Variants in GRIA4 observed in about 807,000 individuals in gnomAD.
The protein encoded by GRIA4 is glutamate ionotropic receptor AMPA type subunit 4, also known as glutamate receptor 4.
A neutral mutation model predicts 104.0 loss-of-function variants in GRIA4; 34 were observed. The ratio of observed to expected loss-of-function variants is 0.33; its 90% CI spans 0.25 to 0.44. The LOEUF is 0.44. GRIA4 is among the 20% of genes least tolerant of loss of function. The pLI is 1.00. For missense variants in GRIA4, 750 were observed against 1,096.5 expected (o/e 0.68, Z 4.46); for synonymous variants, 386 against 381.9 (o/e 1.01, Z -0.13).
In GRIA4 at chr11:105,972,043, T is replaced by C; in HGVS notation, c.2409+15T>C. On this transcript the variant is annotated intron_variant, in intron 15 of 16. Coordinates refer to ENST00000282499, the MANE Select transcript of GRIA4 (RefSeq NM_000829.4). Reference sequence around the variant, plus strand: ...CTGGAAGCAAGGTCAGTCGCTGCAGTTCGGGGCCTCCTCTTGTGTTCACAA... The same window carrying C: ...CTGGAAGCAAGGTCAGTCGCTGCAGCTCGGGGCCTCCTCTTGTGTTCACAA... 2 of 1,479,592 alleles carry C rather than the reference T, an allele frequency of 1.4e-6. No homozygotes were observed. The highest frequency in any genetic ancestry group is 1.9e-6 in the Non-Finnish European group (2 of 1,058,650). 91.7% of individuals were successfully genotyped at this position (1,479,592 alleles called of 1,614,324 possible). A position where few individuals can be genotyped will look rare whatever the true frequency, so the allele number is the denominator to read the frequency against.
At chr11:105,932,148 C>CA (rs1947895978) in intron 13 of GRIA4, among the ~76,000 whole-genome samples, 2 of 148,420 alleles carry the variant, frequency 1.3e-5, no homozygotes. Context: ...TTCTTTTTTT[C>CA]TTTTTTTTTA....
chr11:105,757,249 G>C (rs1015956850), intron 4 of GRIA4, among the ~76,000 whole-genome samples: 6 of 152,068 alleles, frequency 3.9e-5, no homozygotes, highest in Admixed American at 6.6e-5. Context: ...TTATGTGTCC[G>C]GCTCCTTTAA....
At chr11:105,849,282 A>C (rs113568802) in intron 4 of GRIA4, among the ~76,000 whole-genome samples, 8 of 152,304 alleles carry the variant, frequency 5.3e-5, no homozygotes, top group South Asian at 2.1e-4. Flanking sequence ...CTCAACTGGA[A>C]GCCAAAGCAC....
At chr11:105,873,453 C>T (rs144908909) in intron 5 of GRIA4, among the ~76,000 whole-genome samples, 147 of 152,212 alleles carry the variant, frequency 9.7e-4, no homozygotes, top group African/African-American at 3.2e-3. Context: ...AATGGGATTG[C>T]TGGGTCAAAT....
chr11:105,976,483 A>G (rs1252508066), intron 16 of GRIA4, among the ~76,000 whole-genome samples: 1 of 152,012 alleles, frequency 6.6e-6, no homozygotes, highest in Non-Finnish European at 1.5e-5. Flanking sequence ...TAAGACAAAA[A>G]AATTTCAAAT....
At chr11:105,643,930 G>A (rs1457585045) in intron 3 of GRIA4, among the ~76,000 whole-genome samples, 1 of 152,122 alleles carries the variant, frequency 6.6e-6, no homozygotes, top group South Asian at 2.1e-4. Flanking sequence ...TGTTGGCCAG[G>A]CTGGTCTTGA....
chr11:105,688,156 C>CTATATCTATCTATCTATCTA, intron 3 of GRIA4, among the ~76,000 whole-genome samples: 1 of 72,774 alleles, frequency 1.4e-5, no homozygotes, highest in African/African-American at 5.6e-5. Context: ...ATATCTATAT[C>CTATATCTATCTATCTATCTA]TCTATCTATC....
intron 5 of GRIA4, among the ~76,000 whole-genome samples, chr11:105,872,835 T>A (rs1216032449): frequency 6.6e-6 from 1 of 152,160 alleles, no homozygotes. Flanking sequence ...ATACTGTGAA[T>A]AGTTTAATTT....
At chr11:105,634,484 A>AGAAAGAAAGAAAGG (rs1176586743) in intron 3 of GRIA4, among the ~76,000 whole-genome samples, 67 of 61,786 alleles carry the variant, frequency 1.1e-3, no homozygotes, top group African/African-American at 3.0e-3. Context: ...AAAGAAAGAA[A>AGAAAGAAAGAAAGG]GAAAGAAAGA....
At chr11:105,697,134 T>C (rs1004753451) in intron 3 of GRIA4, among the ~76,000 whole-genome samples, 1 of 152,200 alleles carries the variant, frequency 6.6e-6, no homozygotes, top group Non-Finnish European at 1.5e-5. Context: ...TGTTACTTTA[T>C]TATTTTCTAT....
At position 105,903,895 on chromosome 11, in the gene GRIA4, T is replaced by A; in HGVS notation, c.967T>A (p.Ser323Thr). Residue 323 changes from serine to threonine, a missense_variant, in exon 8 of 17, where the codon TCA becomes ACA. Physicochemically the swap from Ser to Thr is moderately conservative, Grantham distance 58. This residue lies in a region of GRIA4 where 410 missense variants were observed against 502.7 expected (regional missense o/e 0.82). Transcript: ENST00000282499. Reference protein sequence around the residue: ...RSLRRQKIDISRRGNAGDCLA... With the variant: ...RSLRRQKIDITRRGNAGDCLA... ...TCTTAGGAGGCAGAAAATTGATATC[T>A]CAAGGAGAGGAAATGCTGGGGATTG... is the stretch of plus-strand genomic sequence containing the variant. 1.9e-6 allele frequency: 3 copies of A among 1,612,888 alleles called. No individual in the cohort carries two copies. The highest frequency in any genetic ancestry group is 2.5e-6 in the Non-Finnish European group (3 of 1,178,910).
At chr11:105,635,097 T>C (rs1460139701) in intron 3 of GRIA4, among the ~76,000 whole-genome samples, 2 of 152,190 alleles carry the variant, frequency 1.3e-5, no homozygotes, top group South Asian at 2.1e-4. Flanking sequence ...CAGTTAAAAC[T>C]ACAACTTTTC....
intron 4 of GRIA4, among the ~76,000 whole-genome samples, chr11:105,797,066 CG>C (rs1799382775): frequency 1.3e-5 from 2 of 151,648 alleles, no homozygotes; most frequent in African/African-American, 4.8e-5. Flanking sequence ...ATAAAAAGTC[CG>C]GCATGGTGGT....
intron 4 of GRIA4, among the ~76,000 whole-genome samples, chr11:105,847,845 C>A (rs1944653655): frequency 2.0e-5 from 3 of 152,178 alleles, no homozygotes; most frequent in Admixed American, 2.0e-4. Context: ...CCCATTCAAA[C>A]CACCGAAAAT....
intron 4 of GRIA4, among the ~76,000 whole-genome samples, chr11:105,787,739 G>T (rs1942037073): frequency 6.6e-6 from 1 of 152,022 alleles, no homozygotes; most frequent in Admixed American, 6.6e-5. Context: ...AGAAACAAGA[G>T]AGCTGATGAA....
chr11:105,968,906 T>C (rs1278172352), intron 14 of GRIA4, among the ~76,000 whole-genome samples: 1 of 152,214 alleles, frequency 6.6e-6, no homozygotes, highest in Non-Finnish European at 1.5e-5. Flanking sequence ...TTATGCCAGT[T>C]ATTCAATCCT....
intron 3 of GRIA4, among the ~76,000 whole-genome samples, chr11:105,693,772 C>T (rs773745924): frequency 6.6e-6 from 1 of 152,102 alleles, no homozygotes; most frequent in Non-Finnish European, 1.5e-5. Context: ...ATCTACAGCA[C>T]AGAGATCAGA....
chr11:105,960,230 G>C (rs904704322), intron 14 of GRIA4, among the ~76,000 whole-genome samples: 2 of 152,262 alleles, frequency 1.3e-5, no homozygotes, highest in Non-Finnish European at 2.9e-5. Context: ...TAAGTCTGCT[G>C]GTCCGCAGAG....
At chr11:105,641,725 G>C (rs1951365661) in intron 3 of GRIA4, among the ~76,000 whole-genome samples, 1 of 152,086 alleles carries the variant, frequency 6.6e-6, no homozygotes, top group South Asian at 2.1e-4. Context: ...TAGAAAGAAT[G>C]CCCTTCAGTC....
Sources: allele counts gnomAD v4.1 joint callset (sites outside exome capture counted in the v4.1 genomes callset), GRCh38; gene constraint gnomAD v4.1.1; regional missense constraint gnomAD v4.1.1; transcripts MANE v1.5; gene names NCBI Gene and HGNC (gene_info 2026-07-23, HGNC 2026-07-21).